PKP1: variants seen among roughly 807,000 people sequenced by gnomAD.
PKP1 encodes the protein plakophilin 1, also known as plakophilin-1.
In PKP1, 27 loss-of-function variants were observed where a neutral mutation model predicts 76.4. That is an observed-to-expected ratio of 0.35 (90% CI 0.26 to 0.49). PKP1 has a LOEUF of 0.49. PKP1 is among the 20% of genes least tolerant of loss of function. The pLI is 0.99. For synonymous variants in PKP1, 404 were observed against 384.2 expected, an observed-to-expected ratio of 1.05 and a Z score of -0.60; for missense variants, 964 against 955.2, an observed-to-expected ratio of 1.01 and a Z score of -0.12.
chr1:201,305,632 C>T (rs1463048620), intron 2 of PKP1, among the ~76,000 whole-genome samples: 2 of 152,216 alleles, frequency 1.3e-5, no homozygotes, highest in African/African-American at 4.8e-5. Context: ...CACCTCCCAG[C>T]CTTTGGCCCT....
chr1:201,323,598 C>G (rs1350380329), intron 9 of PKP1, among the ~76,000 whole-genome samples: 2 of 152,180 alleles, frequency 1.3e-5, no homozygotes, highest in Admixed American at 6.5e-5. Flanking sequence ...GAAGATGTGA[C>G]AGAATCCGTG....
intron 2 of PKP1, 83 bp downstream of exon 2, chr1:201,294,128 T>C (rs972006757): frequency 1.1e-6 from 1 of 922,990 alleles, no homozygotes; most frequent in African/African-American, 1.6e-5. Context: ...CCGGCACCAG[T>C]TGCTAAAAAG....
chr1:201,331,238 C>A lies in PKP1; in HGVS notation c.*1197C>A, dbSNP rs540651814. On this transcript the variant is annotated 3_prime_UTR_variant, in exon 14 of 14. Transcript: ENST00000367324. ...AAAGGAAAGTGCCATATCAGGGTAC[C>A]GGTACCGGCAAGCTCACATCTCAGC... 1 of 152,254 alleles carries A rather than the reference C, an allele frequency of 6.6e-6. No homozygotes were observed. The highest frequency in any genetic ancestry group is 1.9e-4 in the East Asian group (1 of 5,192). 9.4% of individuals were successfully genotyped at this position (152,254 alleles called of 1,614,324 possible). A position where few individuals can be genotyped will look rare whatever the true frequency, so the allele number is the denominator to read the frequency against.
In PKP1 at chr1:201,313,548, G is replaced by C. The variant is rs1221095599; in HGVS notation, c.689G>C (p.Arg230Thr). 1.9e-6 allele frequency: 3 copies of C among 1,612,822 alleles called. No individual in the cohort carries two copies. The highest frequency in any genetic ancestry group is 4.5e-5 in the East Asian group (2 of 44,886). Residue 230 changes from arginine to threonine, a missense_variant, in exon 3 of 14, where the codon AGG becomes ACG. Physicochemically the swap from Arg to Thr is moderately conservative, Grantham distance 71 (BLOSUM62 -1). Transcript: ENST00000367324. ...AAGGACCTGTCCTTTGGCCACTCTA[G>C]GGCCAGCTCCAAGTGAGTGCTGCTG... Reference protein sequence around the residue: ...CNKDLSFGHSRASSKICSEDI... With the variant: ...CNKDLSFGHSTASSKICSEDI...
chr1:201,321,062 C>T (rs1772827), intron 7 of PKP1, among the ~76,000 whole-genome samples: 144,210 of 152,248 alleles, frequency 0.95, 68,764 homozygotes, highest in East Asian at 1. Context: ...GATAGTGAGG[C>T]CCAGCAGGCT....
At chr1:201,286,080 A>G (rs977429941) in intron 1 of PKP1, among the ~76,000 whole-genome samples, 9 of 152,202 alleles carry the variant, frequency 5.9e-5, no homozygotes, top group African/African-American at 2.2e-4. Flanking sequence ...CTTCTCCATC[A>G]GAAACACCCA....
intron 6 of PKP1, 126 bp downstream of exon 6, chr1:201,318,921 G>C (rs917896708): frequency 3.6e-6 from 3 of 834,664 alleles, no homozygotes; most frequent in Non-Finnish European, 6.0e-6. Flanking sequence ...CCCTCTTATG[G>C]GCAGGCTCCA....
rs769099812 is a variant in PKP1 at position 201,322,122 on chromosome 1, G to A, written c.1492G>A (p.Asp498Asn). Residue 498 changes from aspartate to asparagine, a missense_variant, in exon 8 of 14, where the codon GAC (aspartate) becomes AAC (asparagine). By Grantham distance (23) the Asp-to-Asn change is conservative (BLOSUM62 1). Transcript: ENST00000367324. ...CACTGGCTGCTTCAGCAACAAGAGC[G>A]ACAAGATGATGGTGAGCACAGCATC... ...SSTGCFSNKS[D>N]KMMNNNYDCP... is the part of the protein sequence containing the mutation. The A allele has an allele frequency of 1.4e-5, 22 of 1,611,228 alleles. No homozygotes were observed. Among genetic ancestry groups the A allele is most frequent in the Middle Eastern group, 1.6e-4 (1 of 6,084 alleles).
intron 7 of PKP1, among the ~76,000 whole-genome samples, 182 bp downstream of exon 7, chr1:201,320,563 C>T (rs6427899): frequency 6.6e-6 from 1 of 152,110 alleles, no homozygotes; most frequent in Non-Finnish European, 1.5e-5. Flanking sequence ...CGTGCCCATG[C>T]AAATCCACTC....
intron 1 of PKP1, among the ~76,000 whole-genome samples, chr1:201,287,417 G>A (rs964715119): frequency 2.0e-5 from 3 of 152,188 alleles, no homozygotes; most frequent in Non-Finnish European, 2.9e-5. Flanking sequence ...GCTTCTGCCC[G>A]AGTGTTCTGC....
At chr1:201,291,233 G>A (rs568480614) in intron 1 of PKP1, among the ~76,000 whole-genome samples, 1 of 152,294 alleles carries the variant, frequency 6.6e-6, no homozygotes, top group Admixed American at 6.5e-5. Flanking sequence ...TCTCACCAGA[G>A]CCAAGCAGAC....
At chr1:201,317,317 A>G (rs964381925) in intron 4 of PKP1, among the ~76,000 whole-genome samples, 1 of 152,134 alleles carries the variant, frequency 6.6e-6, no homozygotes, top group Non-Finnish European at 1.5e-5. Context: ...AGGAAAGAGG[A>G]GGGACCCTAG....
At chr1:201,308,840 G>A (rs1267454326) in intron 2 of PKP1, among the ~76,000 whole-genome samples, 1 of 152,110 alleles carries the variant, frequency 6.6e-6, no homozygotes, top group Non-Finnish European at 1.5e-5. Flanking sequence ...TGATGGCATC[G>A]CAAGGCAGGG....
chr1:201,314,493 A>T (rs534673386), intron 3 of PKP1, among the ~76,000 whole-genome samples: 33 of 152,134 alleles, frequency 2.2e-4, no homozygotes, highest in Non-Finnish European at 2.6e-4. Flanking sequence ...CAACAACAAC[A>T]AAAACCCTGA....
At chr1:201,293,104 G>A (rs1242082905) in intron 1 of PKP1, among the ~76,000 whole-genome samples, 2 of 152,180 alleles carry the variant, frequency 1.3e-5, no homozygotes, top group African/African-American at 2.4e-5. Context: ...GTAAAGTGGT[G>A]AGCCTGTCAC....
intron 7 of PKP1, 94 bp downstream of exon 7, chr1:201,320,475 GCA>G (rs1656906334): frequency 1.3e-6 from 1 of 794,236 alleles, no homozygotes; most frequent in East Asian, 2.6e-5. Context: ...CAAGACAGGA[GCA>G]CAGACTCAGG....
rs763384777 is a variant in PKP1, at chr1:201,320,371, G to A, written c.1337G>A (p.Cys446Tyr). ...YVQNCVAASR[C>Y]DDKSVENCMC... ...CAGAACTGTGTAGCGGCCAGCCGCT[G>A]TGACGACAAGGTGAGTGCATCCCCT... is the stretch of plus-strand genomic sequence containing the variant. Residue 446 changes from cysteine to tyrosine, a missense_variant, in exon 7 of 14, where the codon TGT becomes TAT. By Grantham distance (194) the Cys-to-Tyr change is radical. Coordinates refer to ENST00000367324, the MANE Select transcript of PKP1 (RefSeq NM_001005337.3). 52 of 1,608,682 alleles carry A rather than the reference G, an allele frequency of 3.2e-5. No individual in the cohort carries two copies. Among genetic ancestry groups the A allele is most frequent in the Non-Finnish European group, 4.4e-5 (52 of 1,175,168 alleles).
chr1:201,321,945 AG>A (rs1571561443), intron 7 of PKP1, 32 bp from the exon 8 acceptor site: 1 of 1,613,086 alleles, frequency 6.2e-7, no homozygotes. Flanking sequence ...GGCCGGGCAG[AG>A]GCTCAGGCCC....
intron 7 of PKP1, 39 bp downstream of exon 7, chr1:201,320,420 C>T: frequency 1.5e-6 from 2 of 1,310,012 alleles, no homozygotes; most frequent in Non-Finnish European, 2.2e-6. Context: ...CCCCTAGGCC[C>T]AGCCCCCTAC....
Sources: gnomAD v4.1 joint callset for allele counts (sites outside exome capture counted in the v4.1 genomes callset) on GRCh38, gnomAD v4.1.1 for gene constraint, MANE v1.5 for transcripts, NCBI Gene and HGNC (gene_info 2026-07-23, HGNC 2026-07-21) for gene names.